The following BMPER variants were observed in gnomAD, a reference collection of about 807,000 sequenced individuals.
BMPER encodes BMP binding endothelial regulator.
A neutral mutation model predicts 87.3 loss-of-function variants in BMPER; 45 were observed. That is an observed-to-expected ratio of 0.52 (90% CI 0.41 to 0.66). BMPER has a LOEUF of 0.66. Ranked by LOEUF, BMPER falls within the 30% of genes least tolerant of loss-of-function variation. The probability of loss-of-function intolerance (pLI) is 0.00; values close to 1 mark genes in which losing one functional copy is unlikely to be tolerated. For missense variants in BMPER, 784 were observed against 867.5 expected (o/e 0.90, Z 1.21); for synonymous variants, 326 against 316.2 (o/e 1.03, Z -0.33).
chr7:33,966,500 C>A lies in BMPER; in HGVS notation c.341C>A (p.Thr114Asn), dbSNP rs771632011. The A allele has an allele frequency of 1.2e-5, 19 of 1,613,622 alleles. No homozygotes were observed. The highest frequency in any genetic ancestry group is 1.6e-5 in the Non-Finnish European group (19 of 1,179,698). ...CTAGGTTGCACCTATGAAGGAAATACCTATAACAGCTCCTTCAAATGGCAG... is the reference window on the plus strand; with the variant it reads ...CTAGGTTGCACCTATGAAGGAAATAACTATAACAGCTCCTTCAAATGGCAG... Reference protein sequence around the residue: ...QCKGCTYEGNTYNSSFKWQSP... With the variant: ...QCKGCTYEGNNYNSSFKWQSP... Residue 114 changes from threonine (T) to asparagine (N), a missense_variant, in exon 4 of 15, where the codon ACC becomes AAC. Physicochemically the swap from Thr to Asn is moderately conservative, Grantham distance 65 (BLOSUM62 0). Coordinates refer to ENST00000649409, the MANE Select transcript of BMPER (RefSeq NM_001365308.1).
intron 3 of BMPER, among the ~76,000 whole-genome samples, chr7:33,965,691 C>T (rs1785388399): frequency 6.6e-6 from 1 of 152,086 alleles, no homozygotes; most frequent in Admixed American, 6.5e-5. Flanking sequence ...GATCGTGTAA[C>T]CCACAGTGTG....
intron 6 of BMPER, among the ~76,000 whole-genome samples, chr7:34,007,727 A>G (rs1786771931): frequency 1.3e-5 from 2 of 151,938 alleles, no homozygotes; most frequent in African/African-American, 4.8e-5. Context: ...GTAAGTATAC[A>G]TTTTTCTAAT....
intron 6 of BMPER, among the ~76,000 whole-genome samples, chr7:33,996,045 C>G (rs1786401490): frequency 6.6e-6 from 1 of 152,194 alleles, no homozygotes; most frequent in East Asian, 1.9e-4. Context: ...ACCCTCTGTT[C>G]TCTTCCTCTA....
At chr7:33,958,196 G>A (rs1446365315) in intron 3 of BMPER, among the ~76,000 whole-genome samples, 10 of 152,022 alleles carry the variant, frequency 6.6e-5, no homozygotes, top group Non-Finnish European at 8.8e-5. Context: ...CTTTTTATAC[G>A]TCACCCACCT....
chr7:33,937,959 C>G (rs1784650028), intron 3 of BMPER, among the ~76,000 whole-genome samples: 1 of 152,140 alleles, frequency 6.6e-6, no homozygotes, highest in Non-Finnish European at 1.5e-5. Context: ...TGTGCTGTTC[C>G]TAGTCTCACC....
intron 13 of BMPER, among the ~76,000 whole-genome samples, chr7:34,114,242 G>C (rs977521752): frequency 2.6e-5 from 4 of 152,178 alleles, no homozygotes; most frequent in Non-Finnish European, 5.9e-5. Flanking sequence ...TTAACCCTCA[G>C]ATTGTGCTGC....
At chr7:34,123,077 G>A (rs1319749669) in intron 13 of BMPER, among the ~76,000 whole-genome samples, 2 of 152,170 alleles carry the variant, frequency 1.3e-5, no homozygotes, top group Non-Finnish European at 1.5e-5. Flanking sequence ...AGGCTTATAT[G>A]TTACCCCCAC....
chr7:33,942,799 A>G (rs564769843), intron 3 of BMPER, among the ~76,000 whole-genome samples: 54 of 152,286 alleles, frequency 3.5e-4, no homozygotes, highest in African/African-American at 1.3e-3. Flanking sequence ...CTGTCTTCCT[A>G]TTTTGAAAAT....
intron 3 of BMPER, among the ~76,000 whole-genome samples, chr7:33,960,094 A>C (rs1204873442): frequency 6.6e-6 from 1 of 152,248 alleles, no homozygotes; most frequent in Non-Finnish European, 1.5e-5. Flanking sequence ...GCGAAGCTAA[A>C]AAAGCAATGA....
Position 33,918,149 on chromosome 7 carries a change from G to T in BMPER, c.219+11246G>T, listed in dbSNP as rs111335888. Among the ~76,000 whole-genome samples the T allele has an allele frequency of 9.5e-3, 1,440 of 152,178 alleles. 18 individuals carry two copies. The highest frequency in any genetic ancestry group is 0.033 in the African/African-American group (1,378 of 41,544). On this transcript the variant is annotated intron_variant, in intron 2 of 14. Coordinates refer to ENST00000649409, the MANE Select transcript of BMPER (RefSeq NM_001365308.1). ...AGCCACCACACCTGGCTAGGATCTTGATCTTAATTTCTTCCCCCTTTCTCC... is the reference window on the plus strand; with the variant it reads ...AGCCACCACACCTGGCTAGGATCTTTATCTTAATTTCTTCCCCCTTTCTCC...
chr7:33,910,615 A>G (rs566518751), intron 2 of BMPER, among the ~76,000 whole-genome samples: 5 of 152,370 alleles, frequency 3.3e-5, no homozygotes, highest in South Asian at 4.1e-4. Context: ...AAAAAACATT[A>G]TTCTGAGGTT....
intron 13 of BMPER, among the ~76,000 whole-genome samples, chr7:34,108,523 G>A (rs1789882029): frequency 6.6e-6 from 1 of 152,222 alleles, no homozygotes; most frequent in African/African-American, 2.4e-5. Context: ...GACATACTGA[G>A]TGACATACAG....
intron 9 of BMPER, among the ~76,000 whole-genome samples, chr7:34,056,217 A>G (rs757098655): frequency 3.9e-5 from 6 of 152,112 alleles, no homozygotes; most frequent in Admixed American, 2.0e-4. Flanking sequence ...GAGAGGAACA[A>G]CACACACTAG....
intron 14 of BMPER, among the ~76,000 whole-genome samples, chr7:34,143,776 T>TCTG (rs1790940939): frequency 6.6e-6 from 1 of 152,194 alleles, no homozygotes; most frequent in Non-Finnish European, 1.5e-5. Context: ...ATACAAAGCC[T>TCTG]AGTAGAATTT....
Position 34,085,994 on chromosome 7 carries a change from A to G in BMPER, c.1647A>G (p.Thr549=), listed in dbSNP as rs1235891439. The change falls in exon 13 of 15, where the codon ACA becomes ACG. Residue 549 remains threonine, a synonymous_variant. Coordinates refer to ENST00000649409, the MANE Select transcript of BMPER (RefSeq NM_001365308.1). ...RKPVPELCQG[T]VKVKLRAHRE... is the part of the protein sequence containing the mutation. ...CAGTGCCTGAACTGTGTCAAGGGACAGTCAAGGTAAAGCTCCGGGCCCATC... is the reference window on the plus strand; with the variant it reads ...CAGTGCCTGAACTGTGTCAAGGGACGGTCAAGGTAAAGCTCCGGGCCCATC... The G allele has an allele frequency of 6.2e-7, 1 of 1,614,092 alleles. No homozygotes were observed. The highest frequency in any genetic ancestry group is 1.3e-5 in the African/African-American group (1 of 74,922).
intron 13 of BMPER, among the ~76,000 whole-genome samples, chr7:34,131,364 A>G (rs1285909023): frequency 1.3e-5 from 2 of 152,130 alleles, no homozygotes; most frequent in Non-Finnish European, 2.9e-5. Flanking sequence ...ATGCTGGTTT[A>G]TTGTGGAGCC....
intron 6 of BMPER, among the ~76,000 whole-genome samples, chr7:34,025,099 T>C (rs1332261633): frequency 1.2e-4 from 19 of 152,214 alleles, no homozygotes; most frequent in African/African-American, 4.3e-4. Flanking sequence ...ACGCAAATTG[T>C]TTGTATGTAG....
chr7:34,091,842 G>C (rs1481312784), intron 13 of BMPER, among the ~76,000 whole-genome samples: 1 of 152,168 alleles, frequency 6.6e-6, no homozygotes, highest in Non-Finnish European at 1.5e-5. Context: ...CTAGACTTTG[G>C]AAAATGCTCT....
At chr7:34,107,354 G>T (rs1245834908) in intron 13 of BMPER, among the ~76,000 whole-genome samples, 2 of 152,184 alleles carry the variant, frequency 1.3e-5, no homozygotes, top group Admixed American at 6.5e-5. Context: ...ATGCCAATTT[G>T]GATGAGCTTA....
Sources: gnomAD v4.1 joint callset for allele counts (sites outside exome capture counted in the v4.1 genomes callset) on GRCh38, gnomAD v4.1.1 for gene constraint, MANE v1.5 for transcripts, NCBI Gene and HGNC (gene_info 2026-07-23, HGNC 2026-07-21) for gene names.